The following TRAPPC10 variants were observed in gnomAD, a reference collection of about 807,000 sequenced individuals.
The protein encoded by TRAPPC10 is TRAPP 130 kDa subunit.
TRAPPC10 carries 23 observed loss-of-function variants against 125.5 expected under a neutral mutation model. The observed-to-expected ratio is 0.18, with a 90% CI of 0.13 to 0.26. The LOEUF is 0.26. TRAPPC10 is among the 10% of genes least tolerant of loss of function. The pLI is 1.00. For synonymous variants in TRAPPC10, 509 were observed against 518.0 expected (o/e 0.98, Z 0.24); for missense variants, 1,123 against 1,308.4 (o/e 0.86, Z 2.19).
chr21:44,080,187 G>C, intron 13 of TRAPPC10, 60 bp downstream of exon 13: 1 of 1,429,842 alleles, frequency 7.0e-7, no homozygotes, highest in Non-Finnish European at 9.7e-7. Context: ...AAGTAAAAAA[G>C]AATACAAGAT....
At chr21:44,041,063 C>T (rs1056120586) in intron 3 of TRAPPC10, among the ~76,000 whole-genome samples, 5 of 152,018 alleles carry the variant, frequency 3.3e-5, no homozygotes, top group Admixed American at 6.6e-5. Flanking sequence ...AGTGGTTGAT[C>T]GGTAACTTTT....
rs907033078 is a variant in TRAPPC10, at chr21:44,087,572, C to G, written c.2540-127C>G. On this transcript the variant is annotated intron_variant, in intron 16 of 22. Coordinates refer to ENST00000291574, the MANE Select transcript of TRAPPC10 (RefSeq NM_003274.5). The surrounding 1 kb of genome is among the most constrained non-coding windows in gnomAD (Gnocchi z 4.6). Reference sequence around the variant, plus strand: ...CTAGGGGCCTTGTTCTTGGGTTTGCCTGCCAGGTGCGCAGGAGCGGGAGAG... The same window carrying G: ...CTAGGGGCCTTGTTCTTGGGTTTGCGTGCCAGGTGCGCAGGAGCGGGAGAG... 3.6e-6 allele frequency: 3 copies of G among 823,918 alleles called. No homozygotes were observed. The highest frequency in any genetic ancestry group is 3.4e-5 in the African/African-American group (2 of 59,524). The allele number at this position is 823,918 out of a possible 1,614,324, so 51.0% of individuals were successfully genotyped here. A position where few individuals can be genotyped will look rare whatever the true frequency, so the allele number is the denominator to read the frequency against.
rs1354726916 is a variant in TRAPPC10, at chr21:44,063,247, CT to C, written c.791-290del. 8.0e-7 allele frequency: 1 copy of C among 1,257,832 alleles called. No homozygotes were observed. The highest frequency in any genetic ancestry group is 1.5e-5 in the African/African-American group (1 of 65,040). 77.9% of individuals were successfully genotyped at this position (1,257,832 alleles called of 1,614,324 possible). ...GGCCTGAGACAGAGCCTGAGCTCCCCTAACCATGTAGCCTGTCTGTCTCTGG... is the reference window on the plus strand; with the variant it reads ...GGCCTGAGACAGAGCCTGAGCTCCCCAACCATGTAGCCTGTCTGTCTCTGG... On this transcript the variant is annotated intron_variant, in intron 6 of 22. Coordinates refer to ENST00000291574, the MANE Select transcript of TRAPPC10 (RefSeq NM_003274.5). The surrounding 1 kb of genome is among the most constrained non-coding windows in gnomAD (Gnocchi z 4.4).
At chr21:44,052,548 G>A (rs752532778) in intron 4 of TRAPPC10, 72 bp downstream of exon 4, 104 of 1,399,684 alleles carry the variant, frequency 7.4e-5, no homozygotes, top group Non-Finnish European at 9.5e-5. Flanking sequence ...TTCCTGGGTA[G>A]TAATAAATAT....
chr21:44,054,565 A>G (rs990101880), intron 4 of TRAPPC10, among the ~76,000 whole-genome samples: 4 of 152,208 alleles, frequency 2.6e-5, no homozygotes, highest in Admixed American at 1.3e-4. Flanking sequence ...CTAGATTACT[A>G]TTACCAAGGC....
intron 2 of TRAPPC10, among the ~76,000 whole-genome samples, chr21:44,034,948 G>A (rs1054583664): frequency 6.6e-6 from 1 of 152,166 alleles, no homozygotes; most frequent in African/African-American, 2.4e-5. Context: ...CCCATACCTT[G>A]ATTTCAACTT....
At chr21:44,088,078 T>A in intron 17 of TRAPPC10, 150 bp downstream of exon 17, 2 of 685,234 alleles carry the variant, frequency 2.9e-6, no homozygotes, top group Non-Finnish European at 4.9e-6. Context: ...TGTCTGTCTG[T>A]GAATCACCCT....
At chr21:44,023,025 CT>C (rs1028804319) in intron 1 of TRAPPC10, among the ~76,000 whole-genome samples, 831 of 80,138 alleles carry the variant, frequency 0.01, 2 homozygotes, top group African/African-American at 0.037. Flanking sequence ...TTCCCTATGT[CT>C]TTTTTTTTTT....
At chr21:44,028,885 G>T (rs966176533) in intron 1 of TRAPPC10, among the ~76,000 whole-genome samples, 2 of 152,172 alleles carry the variant, frequency 1.3e-5, no homozygotes, top group African/African-American at 4.8e-5. Context: ...TCATGCCTCT[G>T]TTGCCCGTGG....
Position 44,063,189 on chromosome 21 carries a change from C to T in TRAPPC10, c.791-349C>T. ...CACAGGTAAAGATAAGGAAGCCCAG[C>T]CCCGCTGCAGCCTAAGACTAGAGCC... On this transcript the variant is annotated intron_variant, in intron 6 of 22. Coordinates refer to ENST00000291574, the MANE Select transcript of TRAPPC10 (RefSeq NM_003274.5). The surrounding 1 kb of genome is among the most constrained non-coding windows in gnomAD (Gnocchi z 4.4). 2 of 1,285,974 alleles carry T rather than the reference C, an allele frequency of 1.6e-6. No homozygotes were observed. The highest frequency in any genetic ancestry group is 2.0e-6 in the Non-Finnish European group (2 of 988,850). 79.7% of individuals were successfully genotyped at this position (1,285,974 alleles called of 1,614,324 possible).
intron 1 of TRAPPC10, among the ~76,000 whole-genome samples, chr21:44,020,378 G>A (rs1009510807): frequency 1.3e-5 from 2 of 151,870 alleles, no homozygotes; most frequent in South Asian, 2.1e-4. Flanking sequence ...TGCCCGCCTC[G>A]GCCTCTCAAA....
intron 1 of TRAPPC10, among the ~76,000 whole-genome samples, chr21:44,018,178 ATC>A (rs2032087661): frequency 1.3e-5 from 2 of 151,672 alleles, no homozygotes; most frequent in Non-Finnish European, 2.9e-5. Flanking sequence ...GTGCTGATGA[ATC>A]TCTGAAATAA....
intron 3 of TRAPPC10, 47 bp from the exon 4 acceptor site, chr21:44,052,233 A>G (rs554370834): frequency 1.3e-6 from 2 of 1,490,534 alleles, no homozygotes; most frequent in South Asian, 2.7e-5. Context: ...TGTATAAACT[A>G]AAGGGCATTA....
Position 44,063,176 on chromosome 21 carries a change from T to TA in TRAPPC10, c.791-360dup. ...CTGCACTCCAGCCCACAGGTAAAGA[T>TA]AAGGAAGCCCAGCCCCGCTGCAGCC... On this transcript the variant is annotated intron_variant, in intron 6 of 22. Transcript: ENST00000291574. This position sits in a 1 kb window ranked among gnomAD's most constrained non-coding sequence, Gnocchi z 4.4. The TA allele has an allele frequency of 7.7e-7, 1 of 1,294,336 alleles. No homozygotes were observed. The highest frequency in any genetic ancestry group is 1.0e-6 in the Non-Finnish European group (1 of 990,072). The allele number at this position is 1,294,336 out of a possible 1,614,324, so 80.2% of individuals were successfully genotyped here. A position where few individuals can be genotyped will look rare whatever the true frequency, so the allele number is the denominator to read the frequency against.
rs759486419 is a variant in TRAPPC10, at chr21:44,082,920, C to T, written c.1856C>T (p.Pro619Leu). Residue 619 changes from proline to leucine, a missense_variant, in exon 14 of 23, where the codon CCT becomes CTT. Pro to Leu is a moderately conservative substitution (Grantham distance 98, BLOSUM62 -3). Around this residue, in one of 4 missense-constraint regions of TRAPPC10, gnomAD observed 840 missense variants for 902.0 expected, o/e 0.93. Coordinates refer to ENST00000291574, the MANE Select transcript of TRAPPC10 (RefSeq NM_003274.5). This position sits in a 1 kb window ranked among gnomAD's most constrained non-coding sequence, Gnocchi z 4.4. ...EITMYSQMPV[P>L]VHVEQIVVNV... ...ACCATGTACAGCCAGATGCCTGTGC[C>T]TGTTCACGTGGAGCAGATTGTGGTC... 15 of 1,614,082 alleles carry T rather than the reference C, an allele frequency of 9.3e-6. No individual in the cohort carries two copies. Among genetic ancestry groups the T allele is most frequent in the African/African-American group, 1.3e-5 (1 of 75,000 alleles).
At chr21:44,091,006 C>G (rs1459882647) in intron 18 of TRAPPC10, among the ~76,000 whole-genome samples, 2 of 151,970 alleles carry the variant, frequency 1.3e-5, no homozygotes, top group South Asian at 4.2e-4. Flanking sequence ...GCCTGACCAA[C>G]ATAGTGAAAC....
intron 1 of TRAPPC10, among the ~76,000 whole-genome samples, chr21:44,012,844 C>T (rs2031300365): frequency 6.6e-6 from 1 of 151,958 alleles, no homozygotes; most frequent in African/African-American, 2.4e-5. Context: ...GGGCGCGCGC[C>T]GGCGTCGAGG....
At position 44,087,951 on chromosome 21, in the gene TRAPPC10, C is replaced by T. The variant is rs754146636; in HGVS notation, c.2769+23C>T. ...AAAGTGAGTAGGGACAGTGGAGGAG[C>T]TTAGCTTGTGGGGCGTCCGCCGCCC... On this transcript the variant is annotated intron_variant, in intron 17 of 22. Coordinates refer to ENST00000291574, the MANE Select transcript of TRAPPC10 (RefSeq NM_003274.5). The surrounding 1 kb of genome is among the most constrained non-coding windows in gnomAD (Gnocchi z 4.6). 13 of 1,587,720 alleles carry T rather than the reference C, an allele frequency of 8.2e-6. No homozygotes were observed. In the Admixed American group the frequency reaches 2.3e-4, roughly 28 times the overall value.
rs566756006 is a variant in TRAPPC10 at position 44,059,738 on chromosome 21, G to A, written c.790+524G>A. ...TTGGTTATTGTCCTCAGTGTTTTTC[G>A]CTGATACTTATTTTGATGAAAGTGA... On this transcript the variant is annotated intron_variant, in intron 6 of 22. Coordinates refer to ENST00000291574, the MANE Select transcript of TRAPPC10 (RefSeq NM_003274.5). The surrounding 1 kb of genome is among the most constrained non-coding windows in gnomAD (Gnocchi z 4.4). 10 of 462,168 alleles carry A rather than the reference G, an allele frequency of 2.2e-5. No homozygotes were observed. Among genetic ancestry groups the A allele is most frequent in the South Asian group, 1.6e-4 (3 of 18,294 alleles). The allele number at this position is 462,168 out of a possible 1,614,324, so 28.6% of individuals were successfully genotyped here.
Sources: allele counts gnomAD v4.1 joint callset (sites outside exome capture counted in the v4.1 genomes callset), GRCh38; gene constraint gnomAD v4.1.1; regional missense constraint gnomAD v4.1.1; non-coding constraint Gnocchi (gnomAD v3.1); transcripts MANE v1.5; gene names NCBI Gene and HGNC (gene_info 2026-07-23, HGNC 2026-07-21).